Variants in MACF1 observed in about 807,000 individuals in gnomAD.
The protein encoded by MACF1 is microtubule-actin cross-linking factor 1.
Under a neutral mutation model 854.8 loss-of-function variants are expected in MACF1, and 193 were observed. The ratio of observed to expected loss-of-function variants is 0.23; its 90% CI spans 0.20 to 0.25. The LOEUF (loss-of-function observed/expected upper bound fraction) is 0.25. MACF1 is among the 10% of genes least tolerant of loss of function. The probability of loss-of-function intolerance (pLI) is 1.00; values close to 1 mark genes in which losing one functional copy is unlikely to be tolerated. For missense variants in MACF1, 7,722 were observed against 8,929.1 expected (o/e 0.86, Z 5.45); for synonymous variants, 3,185 against 3,226.7 (o/e 0.99, Z 0.44).
chr1:39,473,355 G>C (rs1276223997), intron 97 of MACF1, among the ~76,000 whole-genome samples: 3 of 152,164 alleles, frequency 2.0e-5, no homozygotes, highest in African/African-American at 7.2e-5. Flanking sequence ...AAAATGCAAA[G>C]GTTGCTGTTA....
chr1:39,368,259 A>G lies in MACF1; in HGVS notation c.12883A>G (p.Arg4295Gly). ...FALDLCQHQDRVQNLRKDFTE... is the reference protein window; with the variant it reads ...FALDLCQHQDGVQNLRKDFTE... ...GCTGGACTTGTGCCAGCATCAGGAC[A>G]GGGTACAGAATCTAAGAAAAGACTT... is the stretch of plus-strand genomic sequence containing the variant. Residue 4295 changes from arginine to glycine, a missense_variant, in exon 50 of 101, where the codon AGG becomes GGG. By Grantham distance (125) the Arg-to-Gly change is moderately radical. This residue lies in a region of MACF1 where 2,807 missense variants were observed against 3,235.8 expected (regional missense o/e 0.87). Transcript: ENST00000564288. 1 of 1,614,180 alleles carries G rather than the reference A, an allele frequency of 6.2e-7. No individual in the cohort carries two copies.
intron 2 of MACF1, among the ~76,000 whole-genome samples, chr1:39,189,138 A>G (rs1370894124): frequency 1.3e-5 from 2 of 152,092 alleles, no homozygotes; most frequent in African/African-American, 4.8e-5. Context: ...TTTCAGCCTT[A>G]CTCTGCAGCA....
intron 2 of MACF1, among the ~76,000 whole-genome samples, chr1:39,135,780 C>G (rs1643151334): frequency 6.6e-6 from 1 of 152,122 alleles, no homozygotes; most frequent in East Asian, 1.9e-4. Context: ...TCTAATTTTT[C>G]TCAGTGATAA....
chr1:39,245,871 A>G (rs1644976335), intron 2 of MACF1, among the ~76,000 whole-genome samples: 1 of 152,202 alleles, frequency 6.6e-6, no homozygotes, highest in Non-Finnish European at 1.5e-5. Context: ...AATGTCAAGT[A>G]TGTAATATTT....
At chr1:39,479,184 TA>T (rs1369113764) in intron 97 of MACF1, among the ~76,000 whole-genome samples, 4 of 152,196 alleles carry the variant, frequency 2.6e-5, no homozygotes, top group Admixed American at 2.6e-4. Context: ...GTTTTTCACT[TA>T]ACAGTTTCTC....
intron 17 of MACF1, among the ~76,000 whole-genome samples, 165 bp from the exon 18 acceptor site, chr1:39,293,293 G>A (rs1403565104): frequency 6.6e-6 from 1 of 152,126 alleles, no homozygotes; most frequent in African/African-American, 2.4e-5. Context: ...AAAGAGTTCT[G>A]GGAGTCTTAT....
chr1:39,308,302 C>T (rs531180045), intron 23 of MACF1, among the ~76,000 whole-genome samples: 3 of 152,046 alleles, frequency 2.0e-5, no homozygotes, highest in Non-Finnish European at 4.4e-5. Context: ...TTCTAATGTT[C>T]TCTTATTTTC....
In MACF1 at chr1:39,350,800, A is replaced by C; in HGVS notation, c.10981A>C (p.Ile3661Leu). ...TTGTGTTAAGGATTTACAGGATGAC[A>C]TTCAGAATCGTGCCACCTCATTTGC... is the stretch of plus-strand genomic sequence containing the variant. Reference protein sequence around the residue: ...QSDLKDLQDDIQNRATSFATV... With the variant: ...QSDLKDLQDDLQNRATSFATV... Residue 3661 changes from isoleucine (I) to leucine (L), a missense_variant, in exon 43 of 101, where the codon ATT (isoleucine) becomes CTT (leucine). Around this residue, in one of 15 missense-constraint regions of MACF1, gnomAD observed 2,807 missense variants for 3,235.8 expected, o/e 0.87. Coordinates refer to ENST00000564288, the MANE Select transcript of MACF1 (RefSeq NM_001394062.1). 1.2e-6 allele frequency: 2 copies of C among 1,613,822 alleles called. No homozygotes were observed. The highest frequency in any genetic ancestry group is 1.7e-6 in the Non-Finnish European group (2 of 1,179,762).
chr1:39,172,918 C>T (rs1369820604), intron 2 of MACF1, among the ~76,000 whole-genome samples: 1 of 152,240 alleles, frequency 6.6e-6, no homozygotes, highest in Admixed American at 6.5e-5. Flanking sequence ...AGACAGCCCT[C>T]CTCCCTTTTT....
chr1:39,483,168 C>A (rs1164952875), intron 99 of MACF1, among the ~76,000 whole-genome samples: 2 of 145,806 alleles, frequency 1.4e-5, no homozygotes, highest in African/African-American at 2.6e-5. Context: ...ATCTAAAAAA[C>A]CAAAAAAAAT....
intron 2 of MACF1, among the ~76,000 whole-genome samples, chr1:39,107,572 C>T (rs1164981363): frequency 6.6e-6 from 1 of 152,128 alleles, no homozygotes; most frequent in Non-Finnish European, 1.5e-5. Context: ...GTCAGAGTGG[C>T]TTAGCATCCG....
intron 2 of MACF1, among the ~76,000 whole-genome samples, chr1:39,235,291 G>A (rs1180519213): frequency 6.6e-6 from 1 of 152,258 alleles, no homozygotes; most frequent in Non-Finnish European, 1.5e-5. Context: ...ATCACTTGCG[G>A]TTAGGGGCTG....
chr1:39,115,891 G>GA (rs1642531973), intron 2 of MACF1, among the ~76,000 whole-genome samples: 1 of 152,182 alleles, frequency 6.6e-6, no homozygotes, highest in Non-Finnish European at 1.5e-5. Flanking sequence ...AGATTATGCA[G>GA]AGGTCAAATA....
At chr1:39,480,854 A>C in intron 98 of MACF1, 66 bp from the exon 99 acceptor site, 2 of 790,248 alleles carry the variant, frequency 2.5e-6, no homozygotes, top group Middle Eastern at 2.2e-4. Context: ...TTCTGTTCCC[A>C]ATGTGCACCC....
chr1:39,162,094 G>A (rs897956962), intron 2 of MACF1, among the ~76,000 whole-genome samples: 15 of 151,218 alleles, frequency 9.9e-5, no homozygotes, highest in African/African-American at 3.4e-4. Context: ...TCCGCCTCCC[G>A]GGTTCAAGCA....
In MACF1 at chr1:39,282,397, G is replaced by A. The variant is rs774268798; in HGVS notation, c.695+23G>A. The A allele has an allele frequency of 5.0e-6, 8 of 1,600,894 alleles. No homozygotes were observed. The South Asian group carries it at 7.8e-5, about 16-fold the overall frequency. On this transcript the variant is annotated intron_variant, in intron 7 of 100. Coordinates refer to ENST00000564288, the MANE Select transcript of MACF1 (RefSeq NM_001394062.1). Reference sequence around the variant, plus strand: ...CCGGTAAGAACAGTGGAATTTCTGTGCTCCTGCAGGGCTTTTTCTCATCTC... The same window carrying A: ...CCGGTAAGAACAGTGGAATTTCTGTACTCCTGCAGGGCTTTTTCTCATCTC...
chr1:39,181,840 A>G (rs76335859), intron 2 of MACF1, among the ~76,000 whole-genome samples: 2,506 of 152,270 alleles, frequency 0.016, 57 homozygotes, highest in African/African-American at 0.057. Flanking sequence ...TACTGGGACA[A>G]CTGGATATCC....
chr1:39,101,609 G>T (rs902835726), intron 2 of MACF1, among the ~76,000 whole-genome samples: 4 of 151,482 alleles, frequency 2.6e-5, no homozygotes, highest in Admixed American at 6.6e-5. Context: ...TGGTTCACGA[G>T]GTCAGGAGAT....
In MACF1 at chr1:39,228,375, TGAAGAG is replaced by T. The variant is rs1351753924; in HGVS notation, c.110-2800_110-2795del. ...AAAGAATAAATACCATTTGGAGAGA[TGAAGAG>T]GAAGAGAAGTAGCCAGTCATGAAGG... is the stretch of plus-strand genomic sequence containing the variant. On this transcript the variant is annotated intron_variant, in intron 1 of 100. Transcript: ENST00000564288. Among the ~76,000 whole-genome samples, 5 of 152,050 alleles carry T rather than the reference TGAAGAG, an allele frequency of 3.3e-5. No homozygotes were observed. The South Asian group carries it at 1.0e-3, about 32-fold the overall frequency.
Sources: gnomAD v4.1 joint callset for allele counts (sites outside exome capture counted in the v4.1 genomes callset) on GRCh38, gnomAD v4.1.1 for gene constraint, gnomAD v4.1.1 regional missense constraint, MANE v1.5 for transcripts, NCBI Gene and HGNC (gene_info 2026-07-23, HGNC 2026-07-21) for gene names.